Variants in LIMS2 observed in about 807,000 individuals in gnomAD.
LIMS2 encodes the protein LIM and senescent cell antigen-like-containing domain protein 2.
A neutral mutation model predicts 45.3 loss-of-function variants in LIMS2; 30 were observed. That is an observed-to-expected ratio of 0.66 (90% confidence interval 0.50 to 0.90). The LOEUF is 0.90. Ranked by LOEUF, LIMS2 falls within the 40% of genes least tolerant of loss-of-function variation. The pLI, the probability that LIMS2 is intolerant of heterozygous loss-of-function variation, is 0.00. For missense variants in LIMS2, 485 were observed against 468.7 expected (o/e 1.03, Z -0.32); for synonymous variants, 173 against 188.0 (o/e 0.92, Z 0.65).
intron 1 of LIMS2, among the ~76,000 whole-genome samples, chr2:127,662,919 G>A (rs945396369): frequency 2.0e-5 from 3 of 152,220 alleles, no homozygotes; most frequent in Admixed American, 6.5e-5. Flanking sequence ...CTTTTTTGAA[G>A]CCCTTGCCAT....
rs1682159021 is a variant in LIMS2, at chr2:127,639,359, CA to C, written c.947del (p.Leu316ArgfsTer5). 1.2e-6 allele frequency: 2 copies of C among 1,613,910 alleles called. No homozygotes were observed. The highest frequency in any genetic ancestry group is 2.2e-5 in the South Asian group (2 of 91,090). ...CCGACAGCTTCTTCAGCCGCTTCTT[CA>C]GCTCCAGCGGGAACTTCTCGTAGCA... is the stretch of plus-strand genomic sequence containing the variant. Reference protein sequence around the residue: ...KRCYEKFPLELKKRLKKLSEL... With the variant: ...KRCYEKFPLEXKKRLKKLSEL... On this transcript the variant is annotated frameshift_variant, in exon 10 of 10. Coordinates refer to ENST00000355119, the MANE Select transcript of LIMS2 (RefSeq NM_001161403.3). LOFTEE classifies it high-confidence loss of function.
rs1440883777 is a variant in LIMS2, at chr2:127,654,562, C to T, written c.239-18G>A. 6.2e-7 allele frequency: 1 copy of T among 1,613,958 alleles called. No homozygotes were observed. The highest frequency in any genetic ancestry group is 1.3e-5 in the African/African-American group (1 of 74,922). The stretch of plus-strand genomic sequence containing the variant: ...GAACTCACCTGGAAGAAGACAGGTC[C>T]CTGCTGGCTGGGGAGCACGTGCCTG... On this transcript the variant is annotated intron_variant, in intron 3 of 9. Transcript: ENST00000355119.
At chr2:127,657,371 G>A in intron 2 of LIMS2, 32 bp downstream of exon 2, 3 of 1,613,064 alleles carry the variant, frequency 1.9e-6, no homozygotes, top group Non-Finnish European at 1.7e-6. Context: ...ACTCCGAGCT[G>A]GGTCTGAGAA....
At chr2:127,674,596 G>A (rs1685421185) in intron 1 of LIMS2, 3 of 978,334 alleles carry the variant, frequency 3.1e-6, no homozygotes, top group Non-Finnish European at 2.4e-6. Flanking sequence ...AGGAGGAAAC[G>A]GAAGGCTCCA....
At position 127,642,847 on chromosome 2, in the gene LIMS2, G is replaced by A. The variant is rs1682571785; in HGVS notation, c.509+76C>T. ...TCCCTCCTCAACACTTCCCCAGGTG[G>A]AGGCCCCACCGCCCTTACCCTGGGC... On this transcript the variant is annotated intron_variant, in intron 5 of 9. Coordinates refer to ENST00000355119, the MANE Select transcript of LIMS2 (RefSeq NM_001161403.3). The surrounding 1 kb of genome is among the most constrained non-coding windows in gnomAD (Gnocchi z 5.3). 2.7e-6 allele frequency: 4 copies of A among 1,471,132 alleles called. No individual in the cohort carries two copies. Among genetic ancestry groups the A allele is most frequent in the Admixed American group, 4.1e-5 (2 of 48,200 alleles). The allele number at this position is 1,471,132 out of a possible 1,614,324, so 91.1% of individuals were successfully genotyped here.
At chr2:127,641,052 G>A (rs1682357978) in intron 6 of LIMS2, 64 bp from the exon 7 acceptor site, 2 of 1,361,610 alleles carry the variant, frequency 1.5e-6, no homozygotes, top group Non-Finnish European at 2.1e-6. Flanking sequence ...AGGGACAGTG[G>A]TGACCCGGGG....
chr2:127,644,451 G>T lies in LIMS2; in HGVS notation c.360-1379C>A, dbSNP rs563424041. On this transcript the variant is annotated intron_variant, in intron 4 of 9. Coordinates refer to ENST00000355119, the MANE Select transcript of LIMS2 (RefSeq NM_001161403.3). ...AGCCCACCCTTGCCCAGACACCTGT[G>T]CCCCAGCCCCAACCCCAGGCCACCT... Among the ~76,000 whole-genome samples, 614 of 152,112 alleles carry T rather than the reference G, an allele frequency of 4.0e-3. 2 individuals carry two copies. Among genetic ancestry groups the T allele is most frequent in the African/African-American group, 0.014 (574 of 41,494 alleles).
At chr2:127,649,195 G>GGAAA (rs1558878507) in intron 4 of LIMS2, among the ~76,000 whole-genome samples, 1 of 151,580 alleles carries the variant, frequency 6.6e-6, no homozygotes, top group African/African-American at 2.4e-5. Context: ...AAGGAAGGAA[G>GGAAA]GAAGGAAGGA....
At chr2:127,640,568 G>A in intron 7 of LIMS2, 2 of 602,980 alleles carry the variant, frequency 3.3e-6, no homozygotes, top group South Asian at 3.9e-5. Context: ...GTCCTGCAAG[G>A]AGGTGGGCCC....
chr2:127,680,368 G>A (rs926595068), upstream of LIMS2, among the ~76,000 whole-genome samples: 3 of 152,234 alleles, frequency 2.0e-5, no homozygotes, highest in East Asian at 1.9e-4. Flanking sequence ...TGGGAGGATC[G>A]CTTGAGCCCA....
At chr2:127,644,826 C>T (rs1192751933) in intron 4 of LIMS2, among the ~76,000 whole-genome samples, 1 of 152,198 alleles carries the variant, frequency 6.6e-6, no homozygotes, top group East Asian at 1.9e-4. Context: ...CCAGTTCTTC[C>T]AGACAGCCGC....
At chr2:127,675,814 A>G (rs1685485253), upstream of LIMS2, among the ~76,000 whole-genome samples, 1 of 152,132 alleles carries the variant, frequency 6.6e-6, no homozygotes, top group Admixed American at 6.5e-5. Flanking sequence ...TCCCGCCCCC[A>G]GGGAGGCTAA....
chr2:127,652,995 C>T (rs1272831759), intron 4 of LIMS2, among the ~76,000 whole-genome samples: 1 of 152,196 alleles, frequency 6.6e-6, no homozygotes, highest in Non-Finnish European at 1.5e-5. Flanking sequence ...GGGCTCGCTC[C>T]ACACACCCTG....
rs1685251224 is a variant in LIMS2 at position 127,671,063 on chromosome 2, C to A, written c.11+3951G>T. On this transcript the variant is annotated intron_variant, in intron 1 of 9. Transcript: ENST00000355119. This position sits in a 1 kb window ranked among gnomAD's most constrained non-coding sequence, Gnocchi z 4.1. ...CAGAAATGTACACGCTACACCTCAA[C>A]AGAACAAGCAAGACAGTGACAGTGC... Among the ~76,000 whole-genome samples the A allele has an allele frequency of 6.6e-6, 1 of 152,298 alleles. No homozygotes were observed. Among genetic ancestry groups the A allele is most frequent in the Non-Finnish European group, 1.5e-5 (1 of 68,012 alleles).
chr2:127,679,430 C>T (rs1321758500), upstream of LIMS2, among the ~76,000 whole-genome samples: 1 of 142,226 alleles, frequency 7.0e-6, no homozygotes, highest in Non-Finnish European at 1.5e-5. The surrounding 1 kb of genome is among the most constrained non-coding windows in gnomAD (Gnocchi z 5.3). Flanking sequence ...GAATCACACA[C>T]TTAGTCTTCG....
Position 127,654,459 on chromosome 2 carries a change from C to T in LIMS2, c.324G>A (p.Glu108=), listed in dbSNP as rs758159165. The part of the protein sequence containing the change: ...GCFRCELCDV[E]LADLGFVKNA... ...TCTTCACAAAGCCCAGGTCAGCCAG[C>T]TCCACATCACACAGCTCGCAGCGGA... is the stretch of plus-strand genomic sequence containing the variant. Residue 108 remains glutamate, a synonymous_variant, in exon 4 of 10, where the codon GAG becomes GAA. Transcript: ENST00000355119. The T allele has an allele frequency of 2.5e-6, 4 of 1,614,044 alleles. No individual in the cohort carries two copies. The highest frequency in any genetic ancestry group is 8.5e-7 in the Non-Finnish European group (1 of 1,180,022).
rs6707282 is a variant in LIMS2, at chr2:127,654,376, A to G, written c.359+48T>C. 1,390,446 of 1,612,088 alleles carry G rather than the reference A, an allele frequency of 0.86. 600,657 individuals are homozygous for G. The highest frequency in any genetic ancestry group is 0.99 in the East Asian group (44,228 of 44,852). On this transcript the variant is annotated intron_variant, in intron 4 of 9. Coordinates refer to ENST00000355119, the MANE Select transcript of LIMS2 (RefSeq NM_001161403.3). ...ACACAGGAGAGGTGGCAGGTGTGCCAGGAAGGGCTGTGGCCCAGTCCTCTC... is the reference window on the plus strand; with the variant it reads ...ACACAGGAGAGGTGGCAGGTGTGCCGGGAAGGGCTGTGGCCCAGTCCTCTC...
At position 127,642,596 on chromosome 2, in the gene LIMS2, A is replaced by G. The variant is rs998658591; in HGVS notation, c.509+327T>C. ...TCTCTCCAACACCAGCACCAAGCCC[A>G]CTCCCGGTCTCTTGCCCTGCCCCCT... On this transcript the variant is annotated intron_variant, in intron 5 of 9. Coordinates refer to ENST00000355119, the MANE Select transcript of LIMS2 (RefSeq NM_001161403.3). The surrounding 1 kb of genome is among the most constrained non-coding windows in gnomAD (Gnocchi z 5.3). 2.6e-6 allele frequency: 1 copy of G among 391,536 alleles called. No individual in the cohort carries two copies. The highest frequency in any genetic ancestry group is 4.1e-5 in the South Asian group (1 of 24,176). The allele number at this position is 391,536 out of a possible 1,614,324, so 24.3% of individuals were successfully genotyped here. A position where few individuals can be genotyped will look rare whatever the true frequency, so the allele number is the denominator to read the frequency against.
At chr2:127,651,695 G>C in intron 4 of LIMS2, 1 of 1,613,178 alleles carries the variant, frequency 6.2e-7, no homozygotes, top group South Asian at 1.1e-5. Flanking sequence ...TCAAGGGCCC[G>C]CCCCCCAGCT....
Sources: allele counts gnomAD v4.1 joint callset (sites outside exome capture counted in the v4.1 genomes callset), GRCh38; gene constraint gnomAD v4.1.1; non-coding constraint Gnocchi (gnomAD v3.1); transcripts MANE v1.5; gene names NCBI Gene and HGNC (gene_info 2026-07-23, HGNC 2026-07-21).